WAPL: variants seen among roughly 807,000 people sequenced by gnomAD.
WAPL encodes wings apart-like protein homolog.
A neutral mutation model predicts 121.0 loss-of-function variants in WAPL; 5 were observed. The ratio of observed to expected loss-of-function variants is 0.04; its 90% CI spans 0.02 to 0.09. The LOEUF is 0.09. Among genes scored for constraint, WAPL ranks in the 10% least tolerant of loss-of-function variants. The pLI is 1.00. For missense variants in WAPL, 999 were observed against 1,410.8 expected (o/e 0.71, Z 4.68); for synonymous variants, 480 against 481.5 (o/e 1.00, Z 0.04).
At chr10:86,440,719 C>T (rs1849447569) in intron 17 of WAPL, among the ~76,000 whole-genome samples, 1 of 151,970 alleles carries the variant, frequency 6.6e-6, no homozygotes, top group Admixed American at 6.6e-5. Flanking sequence ...CTTGCGGGGC[C>T]TCCAGAGCCA....
Position 86,500,181 on chromosome 10 carries a change from C to A in WAPL, c.1062G>T (p.Arg354=). The A allele has an allele frequency of 6.2e-7, 1 of 1,614,158 alleles. No individual in the cohort carries two copies. Among genetic ancestry groups the A allele is most frequent in the Non-Finnish European group, 8.5e-7 (1 of 1,180,022 alleles). ...GATGTAAAACAGTGTAATCTCTAGT[C>A]CGTCCAACTGTCCCTCTAAAACTGG... is the stretch of plus-strand genomic sequence containing the variant. ...CGTSFRGTVG[R]TRDYTVLHPS... The change falls in exon 3 of 19, where the codon CGG becomes CGT. Residue 354 remains arginine, a synonymous_variant. Coordinates refer to ENST00000298767, the MANE Select transcript of WAPL (RefSeq NM_015045.5).
chr10:86,437,678 A>T (rs1368589937), intron 18 of WAPL, 70 bp from the exon 19 acceptor site: 1 of 1,512,308 alleles, frequency 6.6e-7, no homozygotes, highest in Non-Finnish European at 9.1e-7. Flanking sequence ...TATAAATAAA[A>T]GTTTACCTCT....
intron 2 of WAPL, among the ~76,000 whole-genome samples, chr10:86,502,128 G>A (rs1340853614): frequency 5.9e-5 from 9 of 152,270 alleles, no homozygotes; most frequent in Non-Finnish European, 8.8e-5. Flanking sequence ...AACTTTCCAC[G>A]AACACAAAAT....
intron 4 of WAPL, among the ~76,000 whole-genome samples, chr10:86,487,857 T>C (rs534894697): frequency 4.6e-5 from 7 of 152,246 alleles, no homozygotes; most frequent in African/African-American, 1.7e-4. Context: ...ATCGCACCAC[T>C]GCACTCCAGC....
At chr10:86,471,223 C>T (rs1589512483) in intron 7 of WAPL, 120 bp from the exon 8 acceptor site, 1 of 639,954 alleles carries the variant, frequency 1.6e-6, no homozygotes, top group East Asian at 2.8e-5. Flanking sequence ...ATTGCCCATA[C>T]ATGATCACAA....
Position 86,499,278 on chromosome 10 carries a change from C to A in WAPL, c.1525+440G>T, listed in dbSNP as rs148105977. ...TAGATAAGGTGATTTACGGTTCTAA[C>A]AGGTACTTTTAATAAATATAACAAG... On this transcript the variant is annotated intron_variant, in intron 3 of 18. Coordinates refer to ENST00000298767, the MANE Select transcript of WAPL (RefSeq NM_015045.5). Among the ~76,000 whole-genome samples, 124 of 152,254 alleles carry A rather than the reference C, an allele frequency of 8.1e-4. 2 individuals carry two copies. The highest frequency in any genetic ancestry group is 2.7e-3 in the African/African-American group (112 of 41,542).
At chr10:86,513,798 C>CA (rs1481262396) in intron 2 of WAPL, among the ~76,000 whole-genome samples, 4 of 151,960 alleles carry the variant, frequency 2.6e-5, no homozygotes, top group Admixed American at 1.3e-4. Context: ...AATTCTACAG[C>CA]AAAAAAATAG....
intron 16 of WAPL, among the ~76,000 whole-genome samples, chr10:86,444,286 C>T (rs1849546730): frequency 6.6e-6 from 1 of 152,136 alleles, no homozygotes; most frequent in Non-Finnish European, 1.5e-5. Flanking sequence ...AACAATTTGG[C>T]ATTTTCTTAG....
chr10:86,472,195 A>G lies in WAPL; in HGVS notation c.2030+13T>C. ...CATGCACATAATTGTAAAATATAAA[A>G]ATAAGATCTTACCTAAGGCAACGTG... On this transcript the variant is annotated intron_variant, in intron 7 of 18. Coordinates refer to ENST00000298767, the MANE Select transcript of WAPL (RefSeq NM_015045.5). This position sits in a 1 kb window ranked among gnomAD's most constrained non-coding sequence, Gnocchi z 4.2. 1.3e-6 allele frequency: 2 copies of G among 1,546,276 alleles called. No individual in the cohort carries two copies. Among genetic ancestry groups the G allele is most frequent in the Non-Finnish European group, 1.7e-6 (2 of 1,153,174 alleles).
At chr10:86,519,133 C>CA (rs141958872) in intron 1 of WAPL, among the ~76,000 whole-genome samples, 45,096 of 146,220 alleles carry the variant, frequency 0.31, 7,692 homozygotes, top group East Asian at 0.62. Context: ...CTTCACAGGA[C>CA]AAAAAAAAAA....
chr10:86,469,519 G>A (rs1365610294), intron 8 of WAPL, among the ~76,000 whole-genome samples: 1 of 152,008 alleles, frequency 6.6e-6, no homozygotes, highest in East Asian at 1.9e-4. Flanking sequence ...CTCCCAAAGT[G>A]CTAGGATTAT....
intron 9 of WAPL, among the ~76,000 whole-genome samples, chr10:86,465,888 T>A (rs1055897616): frequency 2.0e-5 from 3 of 152,232 alleles, no homozygotes; most frequent in African/African-American, 4.8e-5. Flanking sequence ...AGTTTTGATG[T>A]TGGAAATGTC....
intron 16 of WAPL, among the ~76,000 whole-genome samples, chr10:86,445,399 C>T (rs538189665): frequency 5.3e-5 from 8 of 152,192 alleles, no homozygotes; most frequent in Admixed American, 3.3e-4. Flanking sequence ...AAATTCATAA[C>T]CTTAGTGATA....
intron 1 of WAPL, among the ~76,000 whole-genome samples, chr10:86,518,601 G>C (rs1842606508): frequency 1.3e-5 from 2 of 152,188 alleles, no homozygotes; most frequent in Non-Finnish European, 2.9e-5. Context: ...CCAGCTACTT[G>C]AGAAGCTGGA....
chr10:86,476,142 G>A (rs1238552644), intron 4 of WAPL, among the ~76,000 whole-genome samples: 6 of 152,050 alleles, frequency 3.9e-5, no homozygotes, highest in African/African-American at 1.4e-4. Flanking sequence ...GAGGCGGGCG[G>A]ATCACGAGGT....
At position 86,470,060 on chromosome 10, in the gene WAPL, T is replaced by A. The variant is rs183193309; in HGVS notation, c.2142+932A>T. Among the ~76,000 whole-genome samples the A allele has an allele frequency of 3.8e-3, 575 of 149,708 alleles. 4 individuals are homozygous for A. Among genetic ancestry groups the A allele is most frequent in the African/African-American group, 0.014 (549 of 40,656 alleles). ...TTCTTTTTTTTTTTTTGAGACAGAG[T>A]CTCGCTCTGTCTCCCAGGCTGGAGT... On this transcript the variant is annotated intron_variant, in intron 8 of 18. Coordinates refer to ENST00000298767, the MANE Select transcript of WAPL (RefSeq NM_015045.5).
At chr10:86,467,133 G>C in intron 9 of WAPL, 146 bp downstream of exon 9, 1 of 676,394 alleles carries the variant, frequency 1.5e-6, no homozygotes, top group East Asian at 2.7e-5. Flanking sequence ...ATGAAATTAT[G>C]CTCAGATCTA....
intron 4 of WAPL, 50 bp downstream of exon 4, chr10:86,497,151 C>G: frequency 7.2e-7 from 1 of 1,390,430 alleles, no homozygotes; most frequent in Non-Finnish European, 1.0e-6. Flanking sequence ...AAGAGTTGAG[C>G]CCTCCAATAA....
At chr10:86,492,437 CT>C (rs1842069498) in intron 4 of WAPL, among the ~76,000 whole-genome samples, 1 of 152,154 alleles carries the variant, frequency 6.6e-6, no homozygotes, top group Admixed American at 6.5e-5. Flanking sequence ...AGTTTCCTAA[CT>C]AAATTATAAA....
Sources: allele counts gnomAD v4.1 joint callset (sites outside exome capture counted in the v4.1 genomes callset), GRCh38; gene constraint gnomAD v4.1.1; non-coding constraint Gnocchi (gnomAD v3.1); transcripts MANE v1.5; gene names NCBI Gene and HGNC (gene_info 2026-07-23, HGNC 2026-07-21).